Variants in MAPK6 observed in about 807,000 individuals in gnomAD.
MAPK6 encodes mitogen-activated protein kinase 6.
MAPK6 carries 19 observed loss-of-function variants against 59.3 expected under a neutral mutation model. The ratio of observed to expected loss-of-function variants is 0.32; its 90% CI spans 0.22 to 0.47. The LOEUF is 0.47. Among genes scored for constraint, MAPK6 ranks in the 20% least tolerant of loss-of-function variants. The probability of loss-of-function intolerance (pLI) is 1.00; values close to 1 mark genes in which losing one functional copy is unlikely to be tolerated. For synonymous variants in MAPK6, 316 were observed against 290.3 expected (o/e 1.09, Z -0.90); for missense variants, 724 against 847.9 (o/e 0.85, Z 1.81).
At chr15:52,044,179 G>C (rs896117146) in intron 1 of MAPK6, among the ~76,000 whole-genome samples, 1 of 151,630 alleles carries the variant, frequency 6.6e-6, no homozygotes, top group African/African-American at 2.4e-5. Flanking sequence ...TTTTTTTTTG[G>C]GGGGGCGGGC....
intron 3 of MAPK6, among the ~76,000 whole-genome samples, chr15:52,057,867 A>G (rs1246908586): frequency 6.6e-6 from 1 of 152,200 alleles, no homozygotes; most frequent in African/African-American, 2.4e-5. Flanking sequence ...CATAAGACCT[A>G]CTTTACAGAA....
intron 1 of MAPK6, among the ~76,000 whole-genome samples, chr15:52,043,002 T>C (rs954925087): frequency 6.6e-6 from 1 of 152,124 alleles, no homozygotes; most frequent in African/African-American, 2.4e-5. Context: ...CTCCTGCCTG[T>C]AGTCCCAGCT....
chr15:52,043,794 T>C (rs2031511609), intron 1 of MAPK6, among the ~76,000 whole-genome samples: 1 of 131,566 alleles, frequency 7.6e-6, no homozygotes, highest in South Asian at 2.8e-4. Context: ...AGTCTCGCTG[T>C]GTCCCCCAGG....
chr15:52,037,884 A>G (rs1286116524), intron 1 of MAPK6, among the ~76,000 whole-genome samples: 2 of 152,210 alleles, frequency 1.3e-5, no homozygotes, highest in African/African-American at 4.8e-5. Flanking sequence ...ACCAGGTACT[A>G]TGCTTAGGAA....
At chr15:52,062,636 GC>G (rs1168112088) in intron 5 of MAPK6, among the ~76,000 whole-genome samples, 1 of 152,080 alleles carries the variant, frequency 6.6e-6, no homozygotes, top group African/African-American at 2.4e-5. Context: ...TTGATGGCGG[GC>G]TCTTGTAGTC....
Position 52,066,455 on chromosome 15 carries a change from G to A in MAPK6, c.*1455G>A, listed in dbSNP as rs1241259578. 6.6e-6 allele frequency: 1 copy of A among 152,222 alleles called. No homozygotes were observed. The highest frequency in any genetic ancestry group is 2.4e-5 in the African/African-American group (1 of 41,470). The allele number at this position is 152,222 out of a possible 1,614,324, so 9.4% of individuals were successfully genotyped here. Reference sequence around the variant, plus strand: ...ATTTCAAAACTGTTAGGTAAAATGTGTAGTTGAAACTTTGAACTGTGCAGT... The same window carrying A: ...ATTTCAAAACTGTTAGGTAAAATGTATAGTTGAAACTTTGAACTGTGCAGT... On this transcript the variant is annotated 3_prime_UTR_variant, in exon 6 of 6. Transcript: ENST00000261845.
chr15:52,058,379 T>C (rs780589855), intron 3 of MAPK6, among the ~76,000 whole-genome samples: 17 of 152,190 alleles, frequency 1.1e-4, no homozygotes, highest in Non-Finnish European at 1.9e-4. Context: ...TAGTTTGTGA[T>C]AACCTTAATA....
At chr15:51,982,509 C>T (rs188879120) in intron 1 of MAPK6, among the ~76,000 whole-genome samples, 153 of 152,266 alleles carry the variant, frequency 1.0e-3, no homozygotes, top group Admixed American at 2.6e-3. Context: ...CATACACACT[C>T]ACACATACAC....
intron 3 of MAPK6, among the ~76,000 whole-genome samples, chr15:52,051,215 G>A (rs573849063): frequency 6.6e-6 from 1 of 152,046 alleles, no homozygotes; most frequent in African/African-American, 2.4e-5. Context: ...CCGCCCCGTC[G>A]CCCGGCTAAT....
chr15:51,979,249 A>T (rs1357285584), intron 1 of MAPK6, among the ~76,000 whole-genome samples: 3 of 151,406 alleles, frequency 2.0e-5, no homozygotes, highest in Non-Finnish European at 4.4e-5. Context: ...GAAGGAAGGA[A>T]AGAAAGAGAA....
intron 3 of MAPK6, among the ~76,000 whole-genome samples, chr15:52,054,608 A>G (rs1164082635): frequency 2.0e-5 from 3 of 152,086 alleles, no homozygotes; most frequent in African/African-American, 4.8e-5. Flanking sequence ...TTCATGGTCA[A>G]TGGGAGCGGA....
chr15:52,051,352 A>C (rs1050023331), intron 3 of MAPK6, among the ~76,000 whole-genome samples: 10 of 151,534 alleles, frequency 6.6e-5, no homozygotes, highest in African/African-American at 1.2e-4. Flanking sequence ...CCACCCCACC[A>C]GGCCCTCCAT....
At chr15:52,016,058 G>T (rs1405676415), upstream of MAPK6, among the ~76,000 whole-genome samples, 1 of 54,868 alleles carries the variant, frequency 1.8e-5, no homozygotes, top group East Asian at 5.4e-4. Context: ...TCCATCGCGC[G>T]CGCGCGCGCG....
upstream of MAPK6, among the ~76,000 whole-genome samples, chr15:52,015,737 T>TCCG (rs1191113893): frequency 2.0e-5 from 3 of 147,432 alleles, no homozygotes; most frequent in Non-Finnish European, 4.5e-5. Flanking sequence ...CAGGCGTGAG[T>TCCG]CCGCGCCCAG....
At chr15:52,002,672 C>T (rs2141825205) in intron 2 of MAPK6, among the ~76,000 whole-genome samples, 1 of 152,290 alleles carries the variant, frequency 6.6e-6, no homozygotes, top group East Asian at 1.9e-4. Context: ...GGCAAAATAG[C>T]TAGGCCTTTT....
intron 3 of MAPK6, among the ~76,000 whole-genome samples, chr15:52,055,056 A>G (rs1197360632): frequency 6.6e-6 from 1 of 152,244 alleles, no homozygotes; most frequent in Non-Finnish European, 1.5e-5. Flanking sequence ...CTGGGATTAC[A>G]GGCAAGAGCC....
chr15:51,996,207 G>C (rs562264850), intron 2 of MAPK6, among the ~76,000 whole-genome samples: 2 of 152,150 alleles, frequency 1.3e-5, no homozygotes, highest in East Asian at 3.9e-4. Flanking sequence ...TCCCCTTATC[G>C]TATAACAGAA....
intron 1 of MAPK6, chr15:52,027,739 G>A (rs1342817702): frequency 6.7e-6 from 1 of 148,510 alleles, no homozygotes; most frequent in Non-Finnish European, 1.5e-5. Context: ...TGCTCAGCCT[G>A]TTGATTTCTC....
At chr15:52,032,779 A>G (rs2031089640) in intron 1 of MAPK6, among the ~76,000 whole-genome samples, 1 of 151,684 alleles carries the variant, frequency 6.6e-6, no homozygotes, top group Non-Finnish European at 1.5e-5. Flanking sequence ...CCGCCTCCCA[A>G]GTTCAAGTGA....
Sources: allele counts gnomAD v4.1 joint callset (sites outside exome capture counted in the v4.1 genomes callset), GRCh38; gene constraint gnomAD v4.1.1; transcripts MANE v1.5; gene names NCBI Gene and HGNC (gene_info 2026-07-23, HGNC 2026-07-21).